CFAP299: variants seen among roughly 807,000 people sequenced by gnomAD.
The protein encoded by CFAP299 is cilia- and flagella-associated protein 299.
CFAP299 carries 21 observed loss-of-function variants against 27.0 expected under a neutral mutation model. The ratio of observed to expected loss-of-function variants is 0.78; its 90% CI spans 0.55 to 1.12. The LOEUF (loss-of-function observed/expected upper bound fraction) is 1.12, where lower values mean the gene tolerates loss of function less well. Ranked by LOEUF, CFAP299 falls within the 50% of genes most tolerant of loss-of-function variation. The pLI is 0.00. For synonymous variants in CFAP299, 104 were observed against 98.1 expected (o/e 1.06, Z -0.36); for missense variants, 310 against 276.6 (o/e 1.12, Z -0.86).
chr4:80,393,398 A>T (rs1018813420), intron 2 of CFAP299, among the ~76,000 whole-genome samples: 1 of 152,174 alleles, frequency 6.6e-6, no homozygotes, highest in Non-Finnish European at 1.5e-5. Context: ...TATAAAGCCT[A>T]CAGTACAGTA....
intron 2 of CFAP299, among the ~76,000 whole-genome samples, chr4:80,521,609 T>C (rs1340020304): frequency 6.6e-6 from 1 of 151,998 alleles, no homozygotes; most frequent in Non-Finnish European, 1.5e-5. Context: ...TGACAACAGC[T>C]CACCACTTCC....
intron 2 of CFAP299, among the ~76,000 whole-genome samples, chr4:80,453,014 A>G (rs892220625): frequency 6.6e-6 from 1 of 152,222 alleles, no homozygotes; most frequent in Non-Finnish European, 1.5e-5. Context: ...AGGGATTGAG[A>G]GCAGAGTAGA....
At chr4:80,506,347 T>C (rs1335289329) in intron 2 of CFAP299, among the ~76,000 whole-genome samples, 1 of 152,132 alleles carries the variant, frequency 6.6e-6, no homozygotes, top group Non-Finnish European at 1.5e-5. Context: ...TTGTTATTAC[T>C]GGAAGCAGTA....
At chr4:80,651,375 T>TC (rs1740282849) in intron 3 of CFAP299, among the ~76,000 whole-genome samples, 1 of 150,560 alleles carries the variant, frequency 6.6e-6, no homozygotes, top group Non-Finnish European at 1.5e-5. Flanking sequence ...TTCTTTTTTT[T>TC]TTTTTGTTGA....
At chr4:80,848,718 G>A (rs769884949) in intron 3 of CFAP299, among the ~76,000 whole-genome samples, 2 of 152,182 alleles carry the variant, frequency 1.3e-5, no homozygotes, top group African/African-American at 4.8e-5. Flanking sequence ...CAAGGCTGCT[G>A]TAAGCCATGA....
At chr4:80,955,531 T>C (rs1738024695) in intron 5 of CFAP299, among the ~76,000 whole-genome samples, 1 of 151,942 alleles carries the variant, frequency 6.6e-6, no homozygotes, top group South Asian at 2.1e-4. Context: ...ATTGCGAGAG[T>C]TAAAAACTGG....
chr4:80,760,079 T>A (rs978471454), intron 3 of CFAP299, among the ~76,000 whole-genome samples: 1 of 152,176 alleles, frequency 6.6e-6, no homozygotes, highest in Admixed American at 6.5e-5. Context: ...TCTTTATCTA[T>A]CTTTTTAAAT....
intron 3 of CFAP299, among the ~76,000 whole-genome samples, chr4:80,657,664 T>G (rs1740630366): frequency 1.3e-5 from 2 of 152,218 alleles, no homozygotes. Context: ...GGTAGCATGA[T>G]GCCTCCAGCT....
At chr4:80,748,916 T>G (rs142368883) in intron 3 of CFAP299, among the ~76,000 whole-genome samples, 1 of 152,318 alleles carries the variant, frequency 6.6e-6, no homozygotes, top group East Asian at 1.9e-4. Context: ...GAGTTCAATA[T>G]TAAAAGTAAT....
chr4:80,559,684 C>A (rs1229342942), intron 2 of CFAP299, among the ~76,000 whole-genome samples: 2 of 152,142 alleles, frequency 1.3e-5, no homozygotes, highest in Non-Finnish European at 2.9e-5. Flanking sequence ...GAGAACACTG[C>A]AATTGTGAGG....
intron 2 of CFAP299, among the ~76,000 whole-genome samples, chr4:80,490,074 C>T (rs1040074086): frequency 2.1e-4 from 32 of 152,112 alleles, no homozygotes; most frequent in Admixed American, 1.8e-3. Flanking sequence ...AGACAACCCG[C>T]GTAAGTGACC....
chr4:80,645,995 T>C (rs915818111), intron 3 of CFAP299, among the ~76,000 whole-genome samples: 1 of 152,212 alleles, frequency 6.6e-6, no homozygotes. Context: ...TTTAGCATAA[T>C]CTTGAAATAT....
intron 3 of CFAP299, among the ~76,000 whole-genome samples, chr4:80,852,419 GAC>G (rs943172390): frequency 6.6e-6 from 1 of 152,046 alleles, no homozygotes; most frequent in East Asian, 1.9e-4. Flanking sequence ...AGAAATTGGA[GAC>G]ACACACACAC....
chr4:80,738,506 G>GT (rs1035502469), intron 3 of CFAP299, among the ~76,000 whole-genome samples: 35 of 152,030 alleles, frequency 2.3e-4, no homozygotes, highest in Non-Finnish European at 3.5e-4. Flanking sequence ...TCCTCTTATA[G>GT]TTTTTTTCTT....
At chr4:80,595,380 C>T (rs1049549277) in intron 3 of CFAP299, among the ~76,000 whole-genome samples, 1 of 152,144 alleles carries the variant, frequency 6.6e-6, no homozygotes, top group Non-Finnish European at 1.5e-5. Context: ...TTAGTGTTTA[C>T]ATTTAGATGT....
At chr4:80,423,628 G>T (rs1042005926) in intron 2 of CFAP299, among the ~76,000 whole-genome samples, 1 of 152,176 alleles carries the variant, frequency 6.6e-6, no homozygotes, top group Non-Finnish European at 1.5e-5. Flanking sequence ...TATTTGCTTA[G>T]TTACTGGAGG....
intron 2 of CFAP299, among the ~76,000 whole-genome samples, chr4:80,502,673 T>C (rs1413660189): frequency 6.6e-6 from 1 of 152,104 alleles, no homozygotes; most frequent in East Asian, 1.9e-4. Flanking sequence ...CGTGGATTCT[T>C]TTTTTGGCTA....
chr4:80,825,817 G>A (rs1181284176), intron 3 of CFAP299, among the ~76,000 whole-genome samples: 1 of 151,788 alleles, frequency 6.6e-6, no homozygotes, highest in Non-Finnish European at 1.5e-5. Context: ...AAATATCTCA[G>A]GACAGGTAAA....
intron 2 of CFAP299, among the ~76,000 whole-genome samples, chr4:80,573,448 CAGAAGCTTTTTG>C (rs1735693734): frequency 6.6e-6 from 1 of 151,974 alleles, no homozygotes; most frequent in African/African-American, 2.4e-5. Context: ...GTTTGTTGTG[CAGAAGCTTTTTG>C]ACTTGATGTG....
Sources: gnomAD v4.1 joint callset for allele counts (sites outside exome capture counted in the v4.1 genomes callset) on GRCh38, gnomAD v4.1.1 for gene constraint, MANE v1.5 for transcripts, NCBI Gene and HGNC (gene_info 2026-07-23, HGNC 2026-07-21) for gene names.